ATP2B2: variants seen among roughly 807,000 people sequenced by gnomAD.
ATP2B2 encodes ATPase plasma membrane Ca2+ transporting 2.
A neutral mutation model predicts 120.0 loss-of-function variants in ATP2B2; 15 were observed. The ratio of observed to expected loss-of-function variants is 0.12; its 90% CI spans 0.08 to 0.19. The LOEUF is 0.19. Ranked by LOEUF, ATP2B2 falls within the 10% of genes least tolerant of loss-of-function variation. The pLI is 1.00. For synonymous variants in ATP2B2, 694 were observed against 700.3 expected (o/e 0.99, Z 0.14); for missense variants, 1,045 against 1,719.8 (o/e 0.61, Z 6.94).
At chr3:10,662,419 A>C (rs202015843) in intron 1 of ATP2B2, among the ~76,000 whole-genome samples, 9,499 of 118,476 alleles carry the variant, frequency 0.08, 993 homozygotes, top group African/African-American at 0.25. Context: ...ACCCCATCAA[A>C]AAGTGGGCGA....
intron 1 of ATP2B2, among the ~76,000 whole-genome samples, chr3:10,669,017 T>A (rs1486720961): frequency 1.3e-5 from 2 of 152,214 alleles, no homozygotes; most frequent in Non-Finnish European, 2.9e-5. Context: ...GTAGAACAAC[T>A]GCTCTACATT....
At chr3:10,476,295 T>C (rs1333811862) in intron 1 of ATP2B2, among the ~76,000 whole-genome samples, 1 of 152,150 alleles carries the variant, frequency 6.6e-6, no homozygotes, top group Non-Finnish European at 1.5e-5. Context: ...GGTTGTGTTT[T>C]TCTGGGGAGG....
chr3:10,390,042 G>A (rs550212449), intron 5 of ATP2B2, among the ~76,000 whole-genome samples: 6 of 152,252 alleles, frequency 3.9e-5, no homozygotes, highest in African/African-American at 1.4e-4. Flanking sequence ...ACTCTGGGTA[G>A]AAAGCTGTAT....
intron 3 of ATP2B2, among the ~76,000 whole-genome samples, chr3:10,409,067 T>C (rs1381699442): frequency 1.3e-5 from 2 of 152,268 alleles, no homozygotes; most frequent in African/African-American, 2.4e-5. Context: ...ACTTCTATCA[T>C]AATAGCTCCC....
intron 2 of ATP2B2, among the ~76,000 whole-genome samples, chr3:10,556,519 G>A (rs1336252387): frequency 6.6e-6 from 1 of 152,198 alleles, no homozygotes; most frequent in East Asian, 1.9e-4. Flanking sequence ...TATAGAAGGG[G>A]GCAGGGAAAG....
intron 1 of ATP2B2, among the ~76,000 whole-genome samples, chr3:10,498,721 T>C (rs1160746550): frequency 6.6e-6 from 1 of 152,226 alleles, no homozygotes; most frequent in Non-Finnish European, 1.5e-5. Flanking sequence ...ACCTGCTTTC[T>C]TCCTTCAAAG....
chr3:10,401,144 T>C, intron 4 of ATP2B2, 66 bp from the exon 5 acceptor site: 1 of 1,594,224 alleles, frequency 6.3e-7, no homozygotes, highest in East Asian at 2.3e-5. Context: ...AACATTCCCT[T>C]AAAGGTGCGA....
At chr3:10,692,062 GT>G (rs772042652) in intron 1 of ATP2B2, among the ~76,000 whole-genome samples, 4 of 152,182 alleles carry the variant, frequency 2.6e-5, no homozygotes, top group Non-Finnish European at 5.9e-5. Context: ...GTTTGAGAAA[GT>G]TTTTACGAAT....
intron 3 of ATP2B2, among the ~76,000 whole-genome samples, chr3:10,406,027 G>A (rs2062398877): frequency 6.6e-6 from 1 of 152,168 alleles, no homozygotes. Flanking sequence ...GATGTTGGTA[G>A]AGGACTAACA....
chr3:10,558,640 G>C (rs867466647), intron 2 of ATP2B2, among the ~76,000 whole-genome samples: 3 of 152,178 alleles, frequency 2.0e-5, no homozygotes, highest in African/African-American at 7.2e-5. Flanking sequence ...AAGCCAATAA[G>C]TGGAATAATG....
At chr3:10,380,551 C>G (rs1441452479) in intron 8 of ATP2B2, among the ~76,000 whole-genome samples, 1 of 152,184 alleles carries the variant, frequency 6.6e-6, no homozygotes, top group Non-Finnish European at 1.5e-5. Context: ...AACTGAGGCT[C>G]AGAGAGGGAG....
intron 1 of ATP2B2, among the ~76,000 whole-genome samples, chr3:10,639,893 G>T (rs1384124575): frequency 1.3e-5 from 2 of 152,230 alleles, no homozygotes; most frequent in Non-Finnish European, 2.9e-5. Context: ...GCTCAGGGGT[G>T]CAGTCCCTAG....
At chr3:10,607,461 C>A (rs1327771771) in intron 2 of ATP2B2, among the ~76,000 whole-genome samples, 2 of 152,200 alleles carry the variant, frequency 1.3e-5, no homozygotes, top group African/African-American at 4.8e-5. Flanking sequence ...GGAGAGGGGT[C>A]AGTGGTGAGC....
At position 10,326,878 on chromosome 3, in the gene ATP2B2, G is replaced by A; in HGVS notation, c.*1936C>T. ...TCTTTTCCCGAGTGGCTCTCATCTT[G>A]TTTGTGGAAGAGTTCTCTGGGCCTG... On this transcript the variant is annotated 3_prime_UTR_variant, in exon 23 of 23. Coordinates refer to ENST00000360273, the MANE Select transcript of ATP2B2 (RefSeq NM_001001331.4). 2.5e-6 allele frequency: 1 copy of A among 398,938 alleles called. No homozygotes were observed. Among genetic ancestry groups the A allele is most frequent in the Non-Finnish European group, 4.4e-6 (1 of 226,032 alleles). 24.7% of individuals were successfully genotyped at this position (398,938 alleles called of 1,614,324 possible). A position where few individuals can be genotyped will look rare whatever the true frequency, so the allele number is the denominator to read the frequency against.
At chr3:10,599,450 C>T (rs542940425) in intron 2 of ATP2B2, among the ~76,000 whole-genome samples, 1 of 152,330 alleles carries the variant, frequency 6.6e-6, no homozygotes, top group South Asian at 2.1e-4. Flanking sequence ...CCCCACATCA[C>T]CTTGTTCTCC....
chr3:10,401,188 G>A, intron 4 of ATP2B2, 110 bp from the exon 5 acceptor site: 1 of 1,427,438 alleles, frequency 7.0e-7, no homozygotes, highest in Middle Eastern at 2.2e-4. Context: ...GGGACAGAAT[G>A]CCTAGAGCTC....
intron 3 of ATP2B2, among the ~76,000 whole-genome samples, chr3:10,528,233 G>A (rs550282323): frequency 1.3e-5 from 2 of 152,270 alleles, no homozygotes; most frequent in East Asian, 1.9e-4. Flanking sequence ...CCCTGGGAAC[G>A]TGGGGAAAGG....
At chr3:10,414,416 T>C (rs938839039) in intron 2 of ATP2B2, among the ~76,000 whole-genome samples, 3 of 151,886 alleles carry the variant, frequency 2.0e-5, no homozygotes, top group Non-Finnish European at 4.4e-5. Flanking sequence ...TGAATAGGTG[T>C]GGGGGTTGGG....
chr3:10,361,467 C>T (rs1298734040), intron 12 of ATP2B2, among the ~76,000 whole-genome samples: 1 of 152,178 alleles, frequency 6.6e-6, no homozygotes, highest in Non-Finnish European at 1.5e-5. Context: ...TTTCCTTCTC[C>T]CCTTCACACA....
Sources: gnomAD v4.1 joint callset for allele counts (sites outside exome capture counted in the v4.1 genomes callset) on GRCh38, gnomAD v4.1.1 for gene constraint, MANE v1.5 for transcripts, NCBI Gene and HGNC (gene_info 2026-07-23, HGNC 2026-07-21) for gene names.